SLC23A2: variants seen among roughly 807,000 people sequenced by gnomAD.
SLC23A2 encodes Na(+)/L-ascorbic acid transporter 2.
Under a neutral mutation model 73.3 loss-of-function variants are expected in SLC23A2, and 36 were observed. That is an observed-to-expected ratio of 0.49 (90% CI 0.38 to 0.65). SLC23A2 has a LOEUF of 0.65. Ranked by LOEUF, SLC23A2 falls within the 30% of genes least tolerant of loss-of-function variation. The pLI, the probability that SLC23A2 is intolerant of heterozygous loss-of-function variation, is 0.00. For synonymous variants in SLC23A2, 343 were observed against 327.3 expected (o/e 1.05, Z -0.52); for missense variants, 507 against 841.6 (o/e 0.60, Z 4.92).
chr20:4,869,421 AAG>A (rs1930343791), intron 12 of SLC23A2, among the ~76,000 whole-genome samples: 1 of 150,960 alleles, frequency 6.6e-6, no homozygotes, highest in African/African-American at 2.5e-5. Context: ...AAAAAAAAAA[AAG>A]AACAGTTGGA....
chr20:4,880,790 C>T (rs1346172084), intron 9 of SLC23A2, among the ~76,000 whole-genome samples: 1 of 151,884 alleles, frequency 6.6e-6, no homozygotes, highest in East Asian at 1.9e-4. Context: ...GAGACGCAAG[C>T]AGACCCACCG....
Position 4,899,524 on chromosome 20 carries a change from T to TCTAA in SLC23A2, c.482+30_482+31insTTAG. 6.2e-7 allele frequency: 1 copy of TCTAA among 1,607,260 alleles called. No individual in the cohort carries two copies. The highest frequency in any genetic ancestry group is 8.5e-7 in the Non-Finnish European group (1 of 1,174,490). ...CTGCGCTCAATGCCTTCTGGGGGCT[T>TCTAA]TGGCATCCCCCATTAGTACCCCAAT... On this transcript the variant is annotated intron_variant, in intron 6 of 16. Coordinates refer to ENST00000338244, the MANE Select transcript of SLC23A2 (RefSeq NM_005116.6). This position sits in a 1 kb window ranked among gnomAD's most constrained non-coding sequence, Gnocchi z 4.9.
intron 3 of SLC23A2, among the ~76,000 whole-genome samples, chr20:4,915,362 A>AG: frequency 6.6e-6 from 1 of 152,346 alleles, no homozygotes; most frequent in Non-Finnish European, 1.5e-5. Flanking sequence ...TTAAAAAAAA[A>AG]GACATACTCC....
At chr20:4,919,453 C>T (rs1413391859) in intron 3 of SLC23A2, among the ~76,000 whole-genome samples, 1 of 152,288 alleles carries the variant, frequency 6.6e-6, no homozygotes, top group African/African-American at 2.4e-5. Flanking sequence ...CCCAGTAGGG[C>T]GACAAGAGGA....
At chr20:4,867,679 C>A in intron 13 of SLC23A2, 91 bp downstream of exon 13, 1 of 591,606 alleles carries the variant, frequency 1.7e-6, no homozygotes, top group Non-Finnish European at 2.9e-6. Context: ...AACCAGAGGC[C>A]CGCCCATTTG....
At chr20:4,905,338 G>T (rs191812962) in intron 4 of SLC23A2, among the ~76,000 whole-genome samples, 1 of 152,132 alleles carries the variant, frequency 6.6e-6, no homozygotes, top group Non-Finnish European at 1.5e-5. Flanking sequence ...TGAGGCAGAC[G>T]CTGTGCCCCC....
intron 6 of SLC23A2, 135 bp from the exon 7 acceptor site, chr20:4,886,044 C>T (rs1382972852): frequency 3.4e-6 from 2 of 591,274 alleles, no homozygotes; most frequent in Non-Finnish European, 6.0e-6. Flanking sequence ...AAGAAAAAGC[C>T]CCAGTTTGCA....
intron 2 of SLC23A2, among the ~76,000 whole-genome samples, chr20:4,961,366 G>A (rs899547267): frequency 2.5e-4 from 38 of 151,994 alleles, no homozygotes; most frequent in African/African-American, 2.2e-4. Flanking sequence ...ACAGGCGTGA[G>A]CCACCACGCC....
upstream of SLC23A2, among the ~76,000 whole-genome samples, chr20:5,003,600 A>G (rs930576587): frequency 3.3e-5 from 5 of 151,916 alleles, no homozygotes; most frequent in African/African-American, 1.2e-4. Context: ...TCCAGGGTCA[A>G]GACCCCCTGA....
intron 6 of SLC23A2, among the ~76,000 whole-genome samples, chr20:4,895,082 G>A (rs990854712): frequency 2.0e-5 from 3 of 152,258 alleles, no homozygotes; most frequent in African/African-American, 7.2e-5. Flanking sequence ...AATGCACAAT[G>A]CAGGATACAG....
intron 6 of SLC23A2, among the ~76,000 whole-genome samples, chr20:4,895,208 A>T (rs1441146890): frequency 6.6e-6 from 1 of 152,220 alleles, no homozygotes; most frequent in African/African-American, 2.4e-5. Context: ...AGCCTAAGGA[A>T]ATGAGTGGTG....
chr20:4,940,325 C>T (rs2087021067), intron 2 of SLC23A2, among the ~76,000 whole-genome samples: 1 of 151,776 alleles, frequency 6.6e-6, no homozygotes. Context: ...AAAATAACAA[C>T]AATAATAATA....
At chr20:4,889,001 T>C (rs1438515288) in intron 6 of SLC23A2, among the ~76,000 whole-genome samples, 2 of 152,250 alleles carry the variant, frequency 1.3e-5, no homozygotes, top group Non-Finnish European at 2.9e-5. Context: ...AAGGGATTTA[T>C]CATTTTGTCA....
At chr20:4,873,267 T>G (rs892289903) in intron 11 of SLC23A2, among the ~76,000 whole-genome samples, 5 of 152,084 alleles carry the variant, frequency 3.3e-5, no homozygotes, top group African/African-American at 9.7e-5. Context: ...CAGGCTCCAA[T>G]TCTAATAAAA....
chr20:4,938,771 A>C (rs1196539256), intron 2 of SLC23A2, among the ~76,000 whole-genome samples: 1 of 152,184 alleles, frequency 6.6e-6, no homozygotes, highest in African/African-American at 2.4e-5. Flanking sequence ...GGGCCTATCC[A>C]GGCCCCCTTT....
At chr20:4,973,758 C>T (rs1050610557) in intron 1 of SLC23A2, among the ~76,000 whole-genome samples, 3 of 152,106 alleles carry the variant, frequency 2.0e-5, no homozygotes, top group Non-Finnish European at 4.4e-5. Flanking sequence ...CTGGGCGCTG[C>T]GGCAGGTCAG....
rs1248172191 is a variant in SLC23A2 at position 4,998,120 on chromosome 20, T to C, written c.-282+3286A>G. Among the ~76,000 whole-genome samples, 5 of 152,182 alleles carry C rather than the reference T, an allele frequency of 3.3e-5. No homozygotes were observed. Among genetic ancestry groups the C allele is most frequent in the Admixed American group, 6.5e-5 (1 of 15,276 alleles). On this transcript the variant is annotated intron_variant, in intron 1 of 16. Transcript: ENST00000338244. The surrounding 1 kb of genome is among the most constrained non-coding windows in gnomAD (Gnocchi z 4.1). ...CTGTGCTATTTTTGTTATGGCAGTG[T>C]TAGCAGACTCATATACCTTCCTCCC...
At position 4,943,003 on chromosome 20, in the gene SLC23A2, C is replaced by A. The variant is rs373607458; in HGVS notation, c.-154-10287G>T. ...CCTAGTTGGGAAGATTGCTTGAGGC[C>A]AAGAGTTCGAGATCAGCCTGAGCAA... On this transcript the variant is annotated intron_variant, in intron 2 of 16. Transcript: ENST00000338244. 1.8e-4 allele frequency among the ~76,000 whole-genome samples: 27 copies of A among 151,882 alleles called. No homozygotes were observed. In the East Asian group the frequency reaches 2.5e-3, roughly 14 times the overall value.
intron 1 of SLC23A2, among the ~76,000 whole-genome samples, chr20:5,009,715 T>G (rs1223323646): frequency 1.3e-5 from 2 of 152,150 alleles, no homozygotes; most frequent in Non-Finnish European, 2.9e-5. Context: ...AACTCAGGAT[T>G]AACCCCCAGG....
Sources: gnomAD v4.1 joint callset for allele counts (sites outside exome capture counted in the v4.1 genomes callset) on GRCh38, gnomAD v4.1.1 for gene constraint, Gnocchi (gnomAD v3.1) non-coding constraint, MANE v1.5 for transcripts, NCBI Gene and HGNC (gene_info 2026-07-23, HGNC 2026-07-21) for gene names.